Variants in IL1R1 observed in about 807,000 individuals in gnomAD.
The protein encoded by IL1R1 is interleukin-1 receptor type 1.
In IL1R1, 22 loss-of-function variants were observed where a neutral mutation model predicts 50.2. The observed-to-expected ratio is 0.44, with a 90% CI of 0.31 to 0.63. The LOEUF (loss-of-function observed/expected upper bound fraction) is 0.63, where lower values mean the gene tolerates loss of function less well. Among genes scored for constraint, IL1R1 ranks in the 20% least tolerant of loss-of-function variants. The pLI, the probability that IL1R1 is intolerant of heterozygous loss-of-function variation, is 0.07. For synonymous variants in IL1R1, 251 were observed against 236.7 expected, an observed-to-expected ratio of 1.06 and a Z score of -0.55; for missense variants, 509 against 676.2, an observed-to-expected ratio of 0.75 and a Z score of 2.74.
At chr2:102,166,064 G>A in intron 5 of IL1R1, 49 bp from the exon 6 acceptor site, 2 of 1,513,388 alleles carry the variant, frequency 1.3e-6, no homozygotes, top group Non-Finnish European at 1.8e-6. Flanking sequence ...GTAGATTGGG[G>A]AAAGTTATTG....
intron 1 of IL1R1, among the ~76,000 whole-genome samples, chr2:102,083,746 C>A (rs1435891513): frequency 1.3e-5 from 2 of 152,078 alleles, no homozygotes; most frequent in Non-Finnish European, 2.9e-5. Flanking sequence ...GAGTTCAAGA[C>A]CAGCCTGACC....
chr2:102,100,511 G>A (rs1680095049), upstream of IL1R1, among the ~76,000 whole-genome samples: 1 of 152,194 alleles, frequency 6.6e-6, no homozygotes, highest in Non-Finnish European at 1.5e-5. Flanking sequence ...CAAGACAGAT[G>A]TTTGCAGATA....
At chr2:102,157,894 T>C (rs1426178090) in intron 3 of IL1R1, 109 bp downstream of exon 3, 2 of 747,002 alleles carry the variant, frequency 2.7e-6, no homozygotes, top group Admixed American at 2.2e-5. Flanking sequence ...CTCTGTTGAA[T>C]CTCTGGGCAC....
chr2:102,077,159 C>T (rs13392077), intron 1 of IL1R1, among the ~76,000 whole-genome samples: 3,068 of 152,204 alleles, frequency 0.02, 118 homozygotes, highest in African/African-American at 0.07. Flanking sequence ...CAACCTCCAC[C>T]TCCTGGATTC....
rs1224180367 is a variant in IL1R1 at position 102,177,465 on chromosome 2, AG to A, written c.*708del. The A allele has an allele frequency of 1.9e-5, 3 of 154,646 alleles. No homozygotes were observed. The East Asian group carries it at 5.7e-4, about 29-fold the overall frequency. The allele number at this position is 154,646 out of a possible 1,614,324, so 9.6% of individuals were successfully genotyped here. ...CTGACCCTGGAGCGGCTCTCCTGAG[AG>A]GTGCTGCAGGCAAAGTGAGACTGAC... On this transcript the variant is annotated 3_prime_UTR_variant, in exon 12 of 12. Coordinates refer to ENST00000410023, the MANE Select transcript of IL1R1 (RefSeq NM_000877.4).
chr2:102,082,350 A>C (rs1053798677), intron 1 of IL1R1, among the ~76,000 whole-genome samples: 1 of 152,162 alleles, frequency 6.6e-6, no homozygotes, highest in Admixed American at 6.5e-5. Flanking sequence ...CAAGAGAAAA[A>C]AATTGCTGAT....
intron 1 of IL1R1, among the ~76,000 whole-genome samples, chr2:102,075,893 C>T (rs902350424): frequency 5.9e-5 from 9 of 152,114 alleles, no homozygotes; most frequent in African/African-American, 2.2e-4. Flanking sequence ...TAGAGCTTCC[C>T]AACTTATCTG....
intron 1 of IL1R1, among the ~76,000 whole-genome samples, chr2:102,082,299 A>G (rs528879206): frequency 6.6e-6 from 1 of 152,170 alleles, no homozygotes; most frequent in Non-Finnish European, 1.5e-5. Context: ...ATTTCTGGAG[A>G]TATATTTGCC....
At position 102,176,555 on chromosome 2, in the gene IL1R1, G is replaced by A. The variant is rs764163650; in HGVS notation, c.1506G>A (p.Ser502=). The change falls in exon 12 of 12, where the codon TCG becomes TCA. Residue 502 remains serine (S), a synonymous_variant. Transcript: ENST00000410023. ...KIQDYEKMPE[S]IKFIKQKHGA... ...AAGACTATGAGAAAATGCCAGAATC[G>A]ATTAAATTCATTAAGCAGAAACATG... 4 of 1,614,136 alleles carry A rather than the reference G, an allele frequency of 2.5e-6. No individual in the cohort carries two copies. Among genetic ancestry groups the A allele is most frequent in the South Asian group, 1.1e-5 (1 of 91,078 alleles).
rs1686159841 is a variant in IL1R1 at position 102,176,602 on chromosome 2, A to G, written c.1553A>G (p.Asp518Gly). Residue 518 changes from aspartate to glycine, a missense_variant, in exon 12 of 12, where the codon GAC becomes GGC. Asp to Gly is a moderately conservative substitution (Grantham distance 94, BLOSUM62 -1). Transcript: ENST00000410023. ...CATGGGGCTATCCGCTGGTCAGGGG[A>G]CTTTACACAGGGACCACAGTCTGCA... The part of the protein sequence containing the change: ...QKHGAIRWSG[D>G]FTQGPQSAKT... 2 of 1,614,142 alleles carry G rather than the reference A, an allele frequency of 1.2e-6. No homozygotes were observed. Among genetic ancestry groups the G allele is most frequent in the East Asian group, 4.5e-5 (2 of 44,878 alleles).
At chr2:102,072,544 T>C (rs1678778183) in intron 1 of IL1R1, among the ~76,000 whole-genome samples, 1 of 152,206 alleles carries the variant, frequency 6.6e-6, no homozygotes, top group Non-Finnish European at 1.5e-5. Flanking sequence ...CTTTGGTTAT[T>C]AGTAATCTTG....
intron 1 of IL1R1, among the ~76,000 whole-genome samples, chr2:102,096,832 G>T (rs1679924362): frequency 6.7e-6 from 1 of 149,818 alleles, no homozygotes; most frequent in South Asian, 2.1e-4. Flanking sequence ...TATTCTTAAA[G>T]ATGGGAGATT....
At chr2:102,174,879 A>G in intron 10 of IL1R1, 149 bp downstream of exon 10, 1 of 598,212 alleles carries the variant, frequency 1.7e-6, no homozygotes, top group Non-Finnish European at 2.8e-6. Context: ...ACACAGAATT[A>G]TAGTTTTAGA....
chr2:102,174,675 G>A lies in IL1R1; in HGVS notation c.1080G>A (p.Lys360=), dbSNP rs972630123. The change falls in exon 10 of 12, where the codon AAG becomes AAA. Residue 360 remains lysine (K), a synonymous_variant. Coordinates refer to ENST00000410023, the MANE Select transcript of IL1R1 (RefSeq NM_000877.4). ...CTGTTTTCATCTATAAAATCTTCAAGATTGACATTGTGCTTTGGTACAGGG... is the reference window on the plus strand; with the variant it reads ...CTGTTTTCATCTATAAAATCTTCAAAATTGACATTGTGCTTTGGTACAGGG... ...VCSVFIYKIF[K]IDIVLWYRDS... The A allele has an allele frequency of 1.8e-5, 29 of 1,612,338 alleles. No homozygotes were observed. Among genetic ancestry groups the A allele is most frequent in the Non-Finnish European group, 2.4e-5 (28 of 1,179,246 alleles).
intron 9 of IL1R1, among the ~76,000 whole-genome samples, chr2:102,173,500 G>A (rs1055488477): frequency 1.3e-5 from 2 of 152,070 alleles, no homozygotes; most frequent in African/African-American, 4.8e-5. Context: ...AACATTTATG[G>A]TAGCATCAAA....
chr2:102,103,990 GAAAAAAA>G (rs72041212), upstream of IL1R1, among the ~76,000 whole-genome samples: 2 of 83,976 alleles, frequency 2.4e-5, no homozygotes, highest in African/African-American at 9.6e-5. Flanking sequence ...GACTGTCTCA[GAAAAAAA>G]AAAAAAAAAA....
chr2:102,132,532 A>T (rs1263978232), intron 1 of IL1R1, among the ~76,000 whole-genome samples: 1 of 152,164 alleles, frequency 6.6e-6, no homozygotes, highest in Non-Finnish European at 1.5e-5. Context: ...AAGTAACTAG[A>T]AAAAGGAATA....
At chr2:102,079,930 C>T (rs1212114337) in intron 1 of IL1R1, among the ~76,000 whole-genome samples, 1 of 152,084 alleles carries the variant, frequency 6.6e-6, no homozygotes, top group South Asian at 2.1e-4. Context: ...CAGAAATATG[C>T]CCTTACGTTT....
upstream of IL1R1, among the ~76,000 whole-genome samples, chr2:102,139,631 G>C (rs1400986589): frequency 6.6e-6 from 1 of 152,210 alleles, no homozygotes; most frequent in Non-Finnish European, 1.5e-5. Flanking sequence ...CCATCCCCTT[G>C]GTGATAAGCG....
Sources: gnomAD v4.1 joint callset for allele counts (sites outside exome capture counted in the v4.1 genomes callset) on GRCh38, gnomAD v4.1.1 for gene constraint, MANE v1.5 for transcripts, NCBI Gene and HGNC (gene_info 2026-07-23, HGNC 2026-07-21) for gene names.